The following ANKRD11 variants were observed in gnomAD, a reference collection of about 807,000 sequenced individuals.
The protein encoded by ANKRD11 is ankyrin repeat domain-containing protein 11.
A neutral mutation model predicts 195.7 loss-of-function variants in ANKRD11; 17 were observed. The observed-to-expected ratio is 0.09, with a 90% CI of 0.06 to 0.13. ANKRD11 has a LOEUF of 0.13. Ranked by LOEUF, ANKRD11 falls within the 10% of genes least tolerant of loss-of-function variation. ANKRD11 has a pLI of 1.00. For missense variants in ANKRD11, 3,735 were observed against 3,566.1 expected (o/e 1.05, Z -1.21); for synonymous variants, 1,953 against 1,528.1 (o/e 1.28, Z -6.49).
chr16:89,281,598 T>G lies in ANKRD11; in HGVS notation c.4944A>C (p.Pro1648=). 6.2e-7 allele frequency: 1 copy of G among 1,614,204 alleles called. No homozygotes were observed. Among genetic ancestry groups the G allele is most frequent in the Non-Finnish European group, 8.5e-7 (1 of 1,180,028 alleles). ...ACTCTTTGAGCTTTTTGTCTTTAAA[T>G]GGAGGGTCCAGCCCCGGCGGTTTCT... is the stretch of plus-strand genomic sequence containing the variant. ...PAKKPPGLDP[P]FKDKKLKEST... is the part of the protein sequence containing the mutation. Residue 1648 remains proline, a synonymous_variant, in exon 9 of 13, where the codon CCA becomes CCC. Transcript: ENST00000301030. This position sits in a 1 kb window ranked among gnomAD's most constrained non-coding sequence, Gnocchi z 5.5.
chr16:89,280,161 G>T lies in ANKRD11; in HGVS notation c.6381C>A (p.Pro2127=), dbSNP rs1471416250. Residue 2127 remains proline, a synonymous_variant, in exon 9 of 13, where the codon CCC becomes CCA. Transcript: ENST00000301030. ...PVPWADAFAG[P]EDDLDLGPFS... ...AGGGCCCCAGGTCCAGGTCGTCCTC[G>T]GGGCCGGCGAAGGCGTCCGCCCAGG... 6.2e-7 allele frequency: 1 copy of T among 1,610,260 alleles called. No homozygotes were observed. The highest frequency in any genetic ancestry group is 1.1e-5 in the South Asian group (1 of 90,842).
rs1412453798 is a variant in ANKRD11 at position 89,454,924 on chromosome 16, TTCC to T, written c.-145+35318_-145+35320del. 2.6e-5 allele frequency among the ~76,000 whole-genome samples: 3 copies of T among 114,100 alleles called. No homozygotes were observed. In the South Asian group the frequency reaches 1.0e-3, roughly 39 times the overall value. 74.9% of individuals were successfully genotyped at this position (114,100 alleles called of 152,430 possible). On this transcript the variant is annotated intron_variant, in intron 1 of 12. Coordinates refer to ENST00000301030, the MANE Select transcript of ANKRD11 (RefSeq NM_013275.6). ...GCTGCTCCCCTGGGTGCTGTTAGGG[TTCC>T]TCAAGCTGCTCCCCTGAGTGTTTCT...
intron 1 of ANKRD11, among the ~76,000 whole-genome samples, chr16:89,470,365 C>T (rs969171474): frequency 2.0e-5 from 3 of 152,126 alleles, no homozygotes; most frequent in South Asian, 2.1e-4. Context: ...TTAGGACAGG[C>T]ACACAAGGGG....
At chr16:89,489,171 CTT>C (rs1465103902) in intron 1 of ANKRD11, 3 of 152,088 alleles carry the variant, frequency 2.0e-5, no homozygotes, top group Admixed American at 6.5e-5. Context: ...TACAATCCCT[CTT>C]TGAGAGGGGA....
intron 2 of ANKRD11, among the ~76,000 whole-genome samples, chr16:89,367,379 T>C (rs1297801221): frequency 6.6e-6 from 1 of 151,972 alleles, no homozygotes; most frequent in African/African-American, 2.4e-5. Flanking sequence ...CTGCTTCCAC[T>C]GGGGAAAGGC....
At chr16:89,379,947 A>G (rs1281750300) in intron 2 of ANKRD11, among the ~76,000 whole-genome samples, 1 of 152,220 alleles carries the variant, frequency 6.6e-6, no homozygotes, top group African/African-American at 2.4e-5. Flanking sequence ...ATTTCTCAAA[A>G]CACACACTTT....
At position 89,290,617 on chromosome 16, in the gene ANKRD11, G is replaced by T. The variant is rs1263489896; in HGVS notation, c.601+8C>A. On this transcript the variant is annotated splice_region_variant and intron_variant, in intron 6 of 12. Coordinates refer to ENST00000301030, the MANE Select transcript of ANKRD11 (RefSeq NM_013275.6). Reference sequence around the variant, plus strand: ...CTCTCTGGCCCTTGCCAGGCACAGGGTGCCCACCTGCGAAGTCCTTGACGT... The same window carrying T: ...CTCTCTGGCCCTTGCCAGGCACAGGTTGCCCACCTGCGAAGTCCTTGACGT... The T allele has an allele frequency of 1.2e-6, 2 of 1,611,288 alleles. No homozygotes were observed. The highest frequency in any genetic ancestry group is 1.7e-6 in the Non-Finnish European group (2 of 1,179,942).
intron 2 of ANKRD11, among the ~76,000 whole-genome samples, chr16:89,411,575 G>C (rs1044506166): frequency 3.3e-5 from 5 of 152,018 alleles, no homozygotes; most frequent in African/African-American, 1.2e-4. Context: ...AACCACGCCT[G>C]GCTAATTTTT....
intron 2 of ANKRD11, chr16:89,395,963 A>G (rs943888850): frequency 2.6e-5 from 4 of 152,228 alleles, no homozygotes; most frequent in East Asian, 1.9e-4. Flanking sequence ...CACACCAGAC[A>G]CAGCGGCCTC....
At chr16:89,343,527 G>A (rs192913423) in intron 2 of ANKRD11, among the ~76,000 whole-genome samples, 2 of 152,302 alleles carry the variant, frequency 1.3e-5, no homozygotes, top group South Asian at 4.1e-4. Context: ...GACAGAGCTC[G>A]AGGTGGGCTG....
At chr16:89,401,492 G>C (rs2041685079) in intron 2 of ANKRD11, among the ~76,000 whole-genome samples, 1 of 152,138 alleles carries the variant, frequency 6.6e-6, no homozygotes, top group Non-Finnish European at 1.5e-5. Flanking sequence ...TCCTTATTTT[G>C]TAAAAAGTAC....
At chr16:89,453,177 T>C (rs1191685279) in intron 1 of ANKRD11, among the ~76,000 whole-genome samples, 1 of 152,230 alleles carries the variant, frequency 6.6e-6, no homozygotes, top group Non-Finnish European at 1.5e-5. Context: ...GGCTCCTTTT[T>C]GTTTTTATTG....
intron 4 of ANKRD11, among the ~76,000 whole-genome samples, chr16:89,296,041 C>A (rs1236064382): frequency 1.6e-5 from 2 of 122,854 alleles, no homozygotes; most frequent in African/African-American, 3.3e-5. Context: ...AAGGATGGAG[C>A]ACAGTGGCGC....
intron 1 of ANKRD11, among the ~76,000 whole-genome samples, chr16:89,438,171 T>A (rs961915758): frequency 4.6e-5 from 7 of 152,164 alleles, no homozygotes; most frequent in African/African-American, 1.4e-4. Flanking sequence ...GCACAACTGG[T>A]GTCTGCATGA....
At chr16:89,455,954 C>A (rs2056415347) in intron 1 of ANKRD11, among the ~76,000 whole-genome samples, 1 of 152,062 alleles carries the variant, frequency 6.6e-6, no homozygotes, top group Admixed American at 6.5e-5. Context: ...AAGGTGGAAA[C>A]AGGTAGGGCG....
intron 2 of ANKRD11, among the ~76,000 whole-genome samples, chr16:89,330,467 G>A (rs2151963456): frequency 6.6e-6 from 1 of 152,210 alleles, no homozygotes; most frequent in Admixed American, 6.5e-5. Flanking sequence ...CACAGACACG[G>A]CTGCGGATGT....
chr16:89,305,469 C>G, intron 3 of ANKRD11, 125 bp from the exon 4 acceptor site: 2 of 1,340,322 alleles, frequency 1.5e-6, no homozygotes, highest in Middle Eastern at 2.1e-4. Flanking sequence ...TCCCTGCACC[C>G]CAGGGCGTGG....
chr16:89,289,163 C>A (rs1019306763), intron 6 of ANKRD11, among the ~76,000 whole-genome samples: 1 of 152,138 alleles, frequency 6.6e-6, no homozygotes, highest in African/African-American at 2.4e-5. Context: ...GCAGGCAGCT[C>A]CTGGCTGGGG....
intron 6 of ANKRD11, among the ~76,000 whole-genome samples, chr16:89,289,901 A>T (rs1003056574): frequency 3.3e-5 from 5 of 152,204 alleles, no homozygotes; most frequent in African/African-American, 1.2e-4. Context: ...TTAGCCAGGC[A>T]TGGTGGCGTG....
Sources: allele counts gnomAD v4.1 joint callset (sites outside exome capture counted in the v4.1 genomes callset), GRCh38; gene constraint gnomAD v4.1.1; non-coding constraint Gnocchi (gnomAD v3.1); transcripts MANE v1.5; gene names NCBI Gene and HGNC (gene_info 2026-07-23, HGNC 2026-07-21).